KRT3: variants seen among roughly 807,000 people sequenced by gnomAD.
The protein encoded by KRT3 is keratin 3, also known as keratin, type II cytoskeletal 3.
A neutral mutation model predicts 45.8 loss-of-function variants in KRT3; 34 were observed. The observed-to-expected ratio is 0.74, with a 90% confidence interval of 0.57 to 0.99. The LOEUF is 0.99. Ranked by LOEUF, KRT3 falls within the 50% of genes least tolerant of loss-of-function variation. The pLI is 0.00. For missense variants in KRT3, 828 were observed against 820.6 expected (o/e 1.01, Z -0.11); for synonymous variants, 367 against 329.0 (o/e 1.12, Z -1.25).
At position 52,790,232 on chromosome 12, in the gene KRT3, C is replaced by G. The variant is rs979270533; in HGVS notation, c.1697G>C (p.Arg566Pro). The G allele has an allele frequency of 1.9e-6, 3 of 1,550,156 alleles. No homozygotes were observed. The highest frequency in any genetic ancestry group is 2.6e-6 in the Non-Finnish European group (3 of 1,146,580). Residue 566 changes from arginine (R) to proline (P), a missense_variant, in exon 9 of 9, where the codon CGG (arginine) becomes CCG (proline). Coordinates refer to ENST00000417996, the MANE Select transcript of KRT3 (RefSeq NM_057088.3). ...ACCGCCGATTCCACCGCCGCCTCCC[C>G]GGCCAAAGCCACTGCCTGAGCCGCC... ...AGGGSGSGFG[R>P]GGGGGIGGGF...
At chr12:52,792,515 G>T in intron 4 of KRT3, 112 bp from the exon 5 acceptor site, 1 of 1,155,928 alleles carries the variant, frequency 8.7e-7, no homozygotes, top group Non-Finnish European at 1.3e-6. Context: ...CTCCACATGT[G>T]TATCAGCCAC....
At chr12:52,792,930 TG>T (rs1939558824) in intron 3 of KRT3, 124 bp from the exon 4 acceptor site, 2 of 737,596 alleles carry the variant, frequency 2.7e-6, no homozygotes. Flanking sequence ...AGTCTCCACT[TG>T]AACGGGCAAT....
Position 52,792,184 on chromosome 12 carries a change from G to A in KRT3, c.1188+55C>T, listed in dbSNP as rs182061253. Reference sequence around the variant, plus strand: ...AACTCACTACCCAGCTGTCCAATAGGCCATGGCCTCTCTGAAACCTCCAGT... The same window carrying A: ...AACTCACTACCCAGCTGTCCAATAGACCATGGCCTCTCTGAAACCTCCAGT... On this transcript the variant is annotated intron_variant, in intron 5 of 8. Transcript: ENST00000417996. The A allele has an allele frequency of 1.6e-5, 24 of 1,502,910 alleles. No homozygotes were observed. The Admixed American group carries it at 2.9e-4, about 18-fold the overall frequency. The allele number at this position is 1,502,910 out of a possible 1,614,324, so 93.1% of individuals were successfully genotyped here. A position where few individuals can be genotyped will look rare whatever the true frequency, so the allele number is the denominator to read the frequency against.
At position 52,791,419 on chromosome 12, in the gene KRT3, T is replaced by C; in HGVS notation, c.1322A>G (p.Asn441Ser). 2 of 1,614,092 alleles carry C rather than the reference T, an allele frequency of 1.2e-6. No individual in the cohort carries two copies. Among genetic ancestry groups the C allele is most frequent in the Non-Finnish European group, 8.5e-7 (1 of 1,179,960 alleles). ...EIEGVKKQNA[N>S]LQTAIAEAEQ... ...GGCCTCGGCAATGGCCGTCTGCAGG[T>C]TGGCATTCTGGGGCAAGGGAGGTAG... Residue 441 changes from asparagine (N) to serine (S), a missense_variant, in exon 7 of 9, where the codon AAC becomes AGC. By Grantham distance (46) the Asn-to-Ser change is conservative. Coordinates refer to ENST00000417996, the MANE Select transcript of KRT3 (RefSeq NM_057088.3).
At chr12:52,791,852 G>A in intron 5 of KRT3, 36 bp from the exon 6 acceptor site, 2 of 1,599,150 alleles carry the variant, frequency 1.3e-6, no homozygotes, top group Non-Finnish European at 1.7e-6. Context: ...TATTCCTGCA[G>A]CTTTGCTTGA....
Position 52,792,413 on chromosome 12 carries a change from C to T in KRT3, c.1024-10G>A, listed in dbSNP as rs1331003906. 5 of 1,613,184 alleles carry T rather than the reference C, an allele frequency of 3.1e-6. No homozygotes were observed. The African/African-American group carries it at 4.0e-5, about 13-fold the overall frequency. On this transcript the variant is annotated splice_polypyrimidine_tract_variant and intron_variant, in intron 4 of 8. Transcript: ENST00000417996. ...GCATCTGAGATAGCTCCTGTCAACA[C>T]AGAGGGAGCTTGTTCACTTTTGGGG...
At chr12:52,792,114 C>A (rs749983217) in intron 5 of KRT3, 125 bp downstream of exon 5, 11 of 843,658 alleles carry the variant, frequency 1.3e-5, no homozygotes, top group Admixed American at 2.6e-5. Flanking sequence ...AGAAGGATGA[C>A]TTCAGAGGGT....
chr12:52,791,058 G>A (rs1026562805), intron 7 of KRT3, 148 bp downstream of exon 7: 13 of 1,354,464 alleles, frequency 9.6e-6, no homozygotes, highest in Non-Finnish European at 1.3e-5. Context: ...ACGTGCCCTG[G>A]GAGGGAGTGG....
At position 52,795,764 on chromosome 12, in the gene KRT3, A is replaced by G. The variant is rs1190490982; in HGVS notation, c.279T>C (p.Tyr93=). ...GRSSCAFAGG[Y]GGGFGSGYGG... ...CATAGCCGCTCCCAAAGCCACCTCC[A>G]TAGCCACCTGCAAAGGCACAGCTGC... Residue 93 remains tyrosine (Y), a synonymous_variant, in exon 1 of 9, where the codon TAT becomes TAC. Transcript: ENST00000417996. The G allele has an allele frequency of 1.2e-6, 2 of 1,613,740 alleles. No homozygotes were observed. The highest frequency in any genetic ancestry group is 1.3e-5 in the African/African-American group (1 of 74,876).
chr12:52,792,149 G>T, intron 5 of KRT3, 90 bp downstream of exon 5: 1 of 1,099,054 alleles, frequency 9.1e-7, no homozygotes, highest in South Asian at 1.5e-5. Flanking sequence ...TTCACCCAGT[G>T]ACCACTGGGA....
chr12:52,791,329 A>G lies in KRT3; in HGVS notation c.1412T>C (p.Leu471Pro). ...NAKLQELQAA[L>P]QQAKDDLARL... ...CGCCAGGTCATCCTTCGCCTGCTGT[A>G]GAGCAGCCTGCAGCTCTTGGAGCTT... Residue 471 changes from leucine to proline, a missense_variant, in exon 7 of 9, where the codon CTA (leucine) becomes CCA (proline). By Grantham distance (98) the Leu-to-Pro change is moderately conservative. Transcript: ENST00000417996. 6.2e-7 allele frequency: 1 copy of G among 1,614,242 alleles called. No individual in the cohort carries two copies. The highest frequency in any genetic ancestry group is 8.5e-7 in the Non-Finnish European group (1 of 1,180,052).
In KRT3 at chr12:52,789,996, A is replaced by T. The variant is rs536664310; in HGVS notation, c.*46T>A. 1.3e-6 allele frequency: 2 copies of T among 1,514,328 alleles called. No individual in the cohort carries two copies. The highest frequency in any genetic ancestry group is 2.8e-5 in the African/African-American group (2 of 72,244). The allele number at this position is 1,514,328 out of a possible 1,614,324, so 93.8% of individuals were successfully genotyped here. On this transcript the variant is annotated 3_prime_UTR_variant, in exon 9 of 9. Coordinates refer to ENST00000417996, the MANE Select transcript of KRT3 (RefSeq NM_057088.3). ...GTGTTGCCAATATGGGGGCGTGGGG[A>T]GCGGAGGGGAGGCGCTGGAGTGGCT... is the stretch of plus-strand genomic sequence containing the variant.
At position 52,790,173 on chromosome 12, in the gene KRT3, CACCGCTGAA is replaced by C; in HGVS notation, c.1747_1755del (p.Phe583_Gly585del). 1 of 1,548,554 alleles carries C rather than the reference CACCGCTGAA, an allele frequency of 6.5e-7. No homozygotes were observed. Among genetic ancestry groups the C allele is most frequent in the Non-Finnish European group, 8.7e-7 (1 of 1,146,848 alleles). On this transcript the variant is annotated inframe_deletion, in exon 9 of 9. Transcript: ENST00000417996. The stretch of plus-strand genomic sequence containing the variant: ...CCAGAGATGGAGCCAAAGCCGCTGC[CACCGCTGAA>C]ACCGCTGCTGCCGCCGCCAAATCCA...
At position 52,795,653 on chromosome 12, in the gene KRT3, GCCACCAGCCCC is replaced by G. The variant is rs1939623394; in HGVS notation, c.379_389del (p.Gly127LeufsTer84). ...CACCAAAGCCACCAGCCCCTCCAAA[GCCACCAGCCCC>G]TCCAAAGCCACCAGCTCCACCAAAG... On this transcript the variant is annotated frameshift_variant, in exon 1 of 9. Coordinates refer to ENST00000417996, the MANE Select transcript of KRT3 (RefSeq NM_057088.3). LOFTEE classifies it high-confidence loss of function. The G allele has an allele frequency of 6.3e-7, 1 of 1,588,302 alleles. No individual in the cohort carries two copies. Among genetic ancestry groups the G allele is most frequent in the African/African-American group, 1.4e-5 (1 of 73,542 alleles).
At position 52,793,192 on chromosome 12, in the gene KRT3, C is replaced by A. The variant is rs746882896; in HGVS notation, c.898G>T (p.Ala300Ser). ...TTCAGAGTCACAAATTCATTCTCAG[C>A]AGCTGTACGTTTATTGATTTCATCC... is the stretch of plus-strand genomic sequence containing the variant. ...YEDEINKRTA[A>S]ENEFVTLKKD... The change falls in exon 3 of 9, where the codon GCT becomes TCT. Residue 300 changes from alanine (A) to serine (S), a missense_variant. Physicochemically the swap from Ala to Ser is moderately conservative, Grantham distance 99. Coordinates refer to ENST00000417996, the MANE Select transcript of KRT3 (RefSeq NM_057088.3). 7.4e-6 allele frequency: 12 copies of A among 1,610,776 alleles called. No homozygotes were observed. The highest frequency in any genetic ancestry group is 1.7e-5 in the Admixed American group (1 of 59,616).
At position 52,792,283 on chromosome 12, in the gene KRT3, C is replaced by T. The variant is rs780811924; in HGVS notation, c.1144G>A (p.Ala382Thr). The T allele has an allele frequency of 1.8e-5, 29 of 1,613,970 alleles. No individual in the cohort carries two copies. Among genetic ancestry groups the T allele is most frequent in the Middle Eastern group, 3.3e-4 (2 of 6,082 alleles). The change falls in exon 5 of 9, where the codon GCT becomes ACT. Residue 382 changes from alanine (A) to threonine (T), a missense_variant. Ala to Thr is a moderately conservative substitution (Grantham distance 58). Coordinates refer to ENST00000417996, the MANE Select transcript of KRT3 (RefSeq NM_057088.3). ...AEVRAQYEDI[A>T]QRSKAEAEAL... ...TCAGCTTCGGCCTTGCTTCTCTGAGCGATATCCTCATACTGTGCACGAACT... is the reference window on the plus strand; with the variant it reads ...TCAGCTTCGGCCTTGCTTCTCTGAGTGATATCCTCATACTGTGCACGAACT...
intron 7 of KRT3, 43 bp from the exon 8 acceptor site, chr12:52,790,915 C>T (rs368909762): frequency 1.1e-5 from 17 of 1,560,614 alleles, no homozygotes; most frequent in Non-Finnish European, 1.5e-5. Context: ...TCACAAAGCA[C>T]ATCACCAACA....
chr12:52,791,002 C>A, intron 7 of KRT3, 130 bp from the exon 8 acceptor site: 1 of 1,257,742 alleles, frequency 8.0e-7, no homozygotes, highest in Non-Finnish European at 1.1e-6. Context: ...CTTTCTCCAC[C>A]CCTCTTTGGG....
chr12:52,793,340 T>C, intron 2 of KRT3, 117 bp from the exon 3 acceptor site: 1 of 679,314 alleles, frequency 1.5e-6, no homozygotes, highest in Non-Finnish European at 2.6e-6. Context: ...CCTGCCCCTC[T>C]CAGATGAGCA....
Sources: gnomAD v4.1 joint callset for allele counts on GRCh38, gnomAD v4.1.1 for gene constraint, MANE v1.5 for transcripts, NCBI Gene and HGNC (gene_info 2026-07-23, HGNC 2026-07-21) for gene names.